INTU: variants seen among roughly 807,000 people sequenced by gnomAD.
INTU encodes the protein protein inturned.
In INTU, 68 loss-of-function variants were observed where a neutral mutation model predicts 100.5. That is an observed-to-expected ratio of 0.68 (90% CI 0.56 to 0.83). INTU has a LOEUF of 0.83. INTU is among the 40% of genes least tolerant of loss of function. The probability of loss-of-function intolerance (pLI) is 0.00; values close to 1 mark genes in which losing one functional copy is unlikely to be tolerated. For missense variants in INTU, 1,071 were observed against 1,114.7 expected, an observed-to-expected ratio of 0.96 and a Z score of 0.56; for synonymous variants, 357 against 395.7, an observed-to-expected ratio of 0.90 and a Z score of 1.16.
chr4:127,639,970 A>G (rs1727238568), intron 1 of INTU, among the ~76,000 whole-genome samples: 1 of 152,168 alleles, frequency 6.6e-6, no homozygotes, highest in Non-Finnish European at 1.5e-5. Flanking sequence ...TTCCAGGAAT[A>G]TTGACCTGTA....
At chr4:127,649,113 G>A (rs1253382957) in intron 2 of INTU, among the ~76,000 whole-genome samples, 1 of 152,156 alleles carries the variant, frequency 6.6e-6, no homozygotes, top group African/African-American at 2.4e-5. Flanking sequence ...AGTACCTACA[G>A]TGGCAACATT....
rs1731405434 is a variant in INTU at position 127,725,538 on chromosome 4, AG to A, written c.*9104del. On this transcript the variant is annotated 3_prime_UTR_variant, in exon 16 of 16. Coordinates refer to ENST00000335251, the MANE Select transcript of INTU (RefSeq NM_015693.4). ...AATAAACGTAGCTGTTGATCACCTC[AG>A]GTTTTCATACAAACTGAACTAAGGT... 6.6e-6 allele frequency: 1 copy of A among 152,172 alleles called. No individual in the cohort carries two copies. Among genetic ancestry groups the A allele is most frequent in the Non-Finnish European group, 1.5e-5 (1 of 68,032 alleles). The allele number at this position is 152,172 out of a possible 1,614,324, so 9.4% of individuals were successfully genotyped here. A position where few individuals can be genotyped will look rare whatever the true frequency, so the allele number is the denominator to read the frequency against.
chr4:127,695,105 T>C (rs1730325188), intron 8 of INTU, among the ~76,000 whole-genome samples: 1 of 152,348 alleles, frequency 6.6e-6, no homozygotes, highest in Non-Finnish European at 1.5e-5. Flanking sequence ...TGAGTCTTCC[T>C]ATCCATGAAC....
At position 127,633,007 on chromosome 4, in the gene INTU, T is replaced by C. The variant is rs948446043; in HGVS notation, c.-28T>C. On this transcript the variant is annotated 5_prime_UTR_variant, in exon 1 of 16. Coordinates refer to ENST00000335251, the MANE Select transcript of INTU (RefSeq NM_015693.4). ...GCTATAGCTGCGAGATTTGAATTACTCCACTCGTAGCTATTGCATTCCTGA... is the reference window on the plus strand; with the variant it reads ...GCTATAGCTGCGAGATTTGAATTACCCCACTCGTAGCTATTGCATTCCTGA... 5 of 1,599,770 alleles carry C rather than the reference T, an allele frequency of 3.1e-6. No individual in the cohort carries two copies. The highest frequency in any genetic ancestry group is 4.3e-6 in the Non-Finnish European group (5 of 1,169,802).
rs1266279718 is a variant in INTU at position 127,720,954 on chromosome 4, A to G, written c.*4518A>G. 6.6e-6 allele frequency: 1 copy of G among 152,130 alleles called. No individual in the cohort carries two copies. The highest frequency in any genetic ancestry group is 1.9e-4 in the East Asian group (1 of 5,192). The allele number at this position is 152,130 out of a possible 1,614,324, so 9.4% of individuals were successfully genotyped here. ...CCACTCTGCGTCTTTTATTTGGGGCATTTAGTGCATTTACATTTAAGGTTA... is the reference window on the plus strand; with the variant it reads ...CCACTCTGCGTCTTTTATTTGGGGCGTTTAGTGCATTTACATTTAAGGTTA... On this transcript the variant is annotated 3_prime_UTR_variant, in exon 16 of 16. Coordinates refer to ENST00000335251, the MANE Select transcript of INTU (RefSeq NM_015693.4).
intron 6 of INTU, among the ~76,000 whole-genome samples, chr4:127,677,977 A>G (rs1165845973): frequency 6.6e-6 from 1 of 152,202 alleles, no homozygotes; most frequent in Non-Finnish European, 1.5e-5. Context: ...GAGCCGATGC[A>G]ATCAACTGGA....
At chr4:127,644,521 AT>A (rs1378745514) in intron 2 of INTU, among the ~76,000 whole-genome samples, 1 of 152,164 alleles carries the variant, frequency 6.6e-6, no homozygotes, top group Non-Finnish European at 1.5e-5. Context: ...CATTTGGCAT[AT>A]TTTGCAACAG....
intron 1 of INTU, among the ~76,000 whole-genome samples, chr4:127,641,115 T>C (rs574525283): frequency 5.9e-4 from 90 of 152,224 alleles, no homozygotes; most frequent in Middle Eastern, 3.4e-3. Context: ...ACTATTGCTT[T>C]ATTTGTCATT....
In INTU at chr4:127,684,410, G is replaced by T; in HGVS notation, c.1183G>T (p.Val395Phe). ...ATACGTGTAATTTTGCTTTTTTAGA[G>T]TTCCTCTTCCTCGTCTAAGGAACAT... ...LLLIGLPAEE[V>F]PLPRLRNMIE... Residue 395 changes from valine (V) to phenylalanine (F), a missense_variant and splice_region_variant, in exon 7 of 16, where the codon GTT becomes TTT. Val to Phe is a conservative substitution (Grantham distance 50). Transcript: ENST00000335251. 1 of 1,588,076 alleles carries T rather than the reference G, an allele frequency of 6.3e-7. No individual in the cohort carries two copies.
intron 7 of INTU, chr4:127,685,397 T>G (rs1452658798): frequency 2.2e-6 from 1 of 453,662 alleles, no homozygotes; most frequent in African/African-American, 2.0e-5. Flanking sequence ...TGATATCAGC[T>G]CTCTGTTTAT....
At chr4:127,671,239 C>A (rs527650954) in intron 5 of INTU, among the ~76,000 whole-genome samples, 6 of 151,898 alleles carry the variant, frequency 4.0e-5, no homozygotes, top group Admixed American at 6.6e-5. Context: ...TATCCAGAAT[C>A]TATATAAGGA....
chr4:127,682,087 TA>T (rs1477118270), intron 6 of INTU, among the ~76,000 whole-genome samples: 1 of 151,724 alleles, frequency 6.6e-6, no homozygotes, highest in African/African-American at 2.4e-5. Flanking sequence ...TGGCAATGAT[TA>T]AAAAGTCAGG....
rs573355515 is a variant in INTU, at chr4:127,716,781, AT to A, written c.*348del. 9.9e-3 allele frequency: 1,535 copies of A among 155,774 alleles called. 12 individuals carry two copies. Among genetic ancestry groups the A allele is most frequent in the Non-Finnish European group, 0.017 (1,167 of 70,330 alleles). 9.6% of individuals were successfully genotyped at this position (155,774 alleles called of 1,614,324 possible). ...AATGTTTATTCTTGAAAAATACTCA[AT>A]TTGTTGTTGTTTATTTTTCTCAAAA... On this transcript the variant is annotated 3_prime_UTR_variant, in exon 16 of 16. Transcript: ENST00000335251.
chr4:127,650,882 G>A (rs1164097722), intron 2 of INTU, among the ~76,000 whole-genome samples: 1 of 152,188 alleles, frequency 6.6e-6, no homozygotes, highest in Non-Finnish European at 1.5e-5. Flanking sequence ...TCCAGCACCT[G>A]TTGTTTCCCG....
At chr4:127,706,282 A>G (rs999535209) in intron 11 of INTU, among the ~76,000 whole-genome samples, 22 of 152,224 alleles carry the variant, frequency 1.4e-4, no homozygotes, top group African/African-American at 5.3e-4. Flanking sequence ...ATATCAAGAT[A>G]AGGCAATGTA....
At chr4:127,642,786 T>C (rs183312705) in intron 1 of INTU, among the ~76,000 whole-genome samples, 2,818 of 152,230 alleles carry the variant, frequency 0.019, 35 homozygotes, top group Middle Eastern at 0.054. Flanking sequence ...GTTTTTTTTT[T>C]CAGTGGCATA....
chr4:127,662,494 T>G (rs1356482915), intron 3 of INTU, among the ~76,000 whole-genome samples: 7 of 152,204 alleles, frequency 4.6e-5, no homozygotes, highest in African/African-American at 1.7e-4. Flanking sequence ...TATCCAATTT[T>G]GGTACTTCTT....
chr4:127,657,475 G>A (rs948755713), intron 3 of INTU, among the ~76,000 whole-genome samples: 2 of 152,016 alleles, frequency 1.3e-5, no homozygotes, highest in African/African-American at 2.4e-5. Context: ...CCTGGGCCAC[G>A]GACTGGTAGT....
In INTU at chr4:127,663,578, G is replaced by C. The variant is rs1184769475; in HGVS notation, c.966G>C (p.Lys322Asn). 8 of 1,612,530 alleles carry C rather than the reference G, an allele frequency of 5.0e-6. No individual in the cohort carries two copies. The highest frequency in any genetic ancestry group is 6.8e-6 in the Non-Finnish European group (8 of 1,179,144). The stretch of plus-strand genomic sequence containing the variant: ...TACAGCTCGACTCAGAAACCTCAAA[G>C]GAAGAGGTGAGTGTCCTCAAAAGTC... ...LTLQLDSETSKEEQEILYHYP... is the reference protein window; with the variant it reads ...LTLQLDSETSNEEQEILYHYP... The change falls in exon 4 of 16, where the codon AAG becomes AAC. Residue 322 changes from lysine (K) to asparagine (N), a missense_variant. Coordinates refer to ENST00000335251, the MANE Select transcript of INTU (RefSeq NM_015693.4).
Sources: gnomAD v4.1 joint callset for allele counts (sites outside exome capture counted in the v4.1 genomes callset) on GRCh38, gnomAD v4.1.1 for gene constraint, MANE v1.5 for transcripts, NCBI Gene and HGNC (gene_info 2026-07-23, HGNC 2026-07-21) for gene names.